SNX6: variants seen among roughly 807,000 people sequenced by gnomAD.
SNX6 encodes the protein sorting nexin 6, also known as sorting nexin-6.
In SNX6, 34 loss-of-function variants were observed where a neutral mutation model predicts 63.0. The observed-to-expected ratio is 0.54, with a 90% confidence interval of 0.41 to 0.72. The LOEUF (loss-of-function observed/expected upper bound fraction) is 0.72, where lower values mean the gene tolerates loss of function less well. Ranked by LOEUF, SNX6 falls within the 30% of genes least tolerant of loss-of-function variation. SNX6 has a pLI of 0.00. For missense variants in SNX6, 398 were observed against 471.4 expected (o/e 0.84, Z 1.44); for synonymous variants, 170 against 164.2 (o/e 1.04, Z -0.27).
At chr14:34,602,705 G>A (rs986261791) in intron 6 of SNX6, among the ~76,000 whole-genome samples, 7 of 151,980 alleles carry the variant, frequency 4.6e-5, no homozygotes, top group Non-Finnish European at 4.4e-5. Context: ...GGCCGGGCAC[G>A]GTGGCTTATG....
chr14:34,571,096 A>G (rs1881431935), intron 11 of SNX6, among the ~76,000 whole-genome samples: 1 of 151,978 alleles, frequency 6.6e-6, no homozygotes, highest in Non-Finnish European at 1.5e-5. Context: ...AGACAATGGA[A>G]TATTATTCAG....
At chr14:34,617,359 G>A (rs751095252) in intron 2 of SNX6, among the ~76,000 whole-genome samples, 1 of 152,100 alleles carries the variant, frequency 6.6e-6, no homozygotes, top group Non-Finnish European at 1.5e-5. Flanking sequence ...TTAGTAAAAG[G>A]CTGGGCACAG....
intron 5 of SNX6, 137 bp from the exon 6 acceptor site, chr14:34,603,608 A>G: frequency 2.9e-6 from 2 of 684,182 alleles, no homozygotes; most frequent in South Asian, 3.9e-5. Flanking sequence ...CATGTAAACA[A>G]GGTTTTTAGT....
chr14:34,620,656 T>C (rs910462801), intron 2 of SNX6, among the ~76,000 whole-genome samples: 2 of 151,722 alleles, frequency 1.3e-5, no homozygotes, highest in African/African-American at 2.4e-5. Flanking sequence ...AAACTGGACA[T>C]GGGGCCGGGC....
Position 34,605,596 on chromosome 14 carries a change from G to T in SNX6, c.392C>A (p.Ala131Asp). ...ACAAAAAAATAAAAAAATCACTTACGCTTCCAGTTCCTGTTTCATCTTTGT... is the reference window on the plus strand; with the variant it reads ...ACAAAAAAATAAAAAAATCACTTACTCTTCCAGTTCCTGTTTCATCTTTGT... ...EFTKMKQELE[A>D]EYLAIFKKTV... The change falls in exon 5 of 14, where the codon GCT (alanine) becomes GAT (aspartate). Residue 131 changes from alanine (A) to aspartate (D), a missense_variant and splice_region_variant. Physicochemically the swap from Ala to Asp is moderately radical, Grantham distance 126. Transcript: ENST00000362031. The T allele has an allele frequency of 1.3e-6, 2 of 1,558,338 alleles. No individual in the cohort carries two copies. The highest frequency in any genetic ancestry group is 4.3e-5 in the Admixed American group (2 of 46,800).
chr14:34,573,270 A>G (rs115164258), intron 11 of SNX6, among the ~76,000 whole-genome samples: 3,693 of 152,206 alleles, frequency 0.024, 163 homozygotes, highest in African/African-American at 0.085. Context: ...AAGTCACAGT[A>G]CCCAGCCAAA....
chr14:34,615,474 G>A lies in SNX6; in HGVS notation c.55-5732C>T, dbSNP rs79090741. 1.6e-3 allele frequency among the ~76,000 whole-genome samples: 237 copies of A among 152,210 alleles called. 1 individual carries two copies. The highest frequency in any genetic ancestry group is 5.0e-3 in the East Asian group (26 of 5,188). On this transcript the variant is annotated intron_variant, in intron 2 of 13. Transcript: ENST00000362031. ...TGGGCTTAAGTGATTCTCCCACCTC[G>A]GCCTCCCAAAGTGCTGGGATTATAG...
intron 9 of SNX6, among the ~76,000 whole-genome samples, chr14:34,582,017 C>T (rs374556466): frequency 5.3e-5 from 8 of 151,768 alleles, no homozygotes; most frequent in South Asian, 4.2e-4. Flanking sequence ...TTAGTAGAGT[C>T]GGGGTTTTAC....
intron 8 of SNX6, among the ~76,000 whole-genome samples, chr14:34,590,550 T>A (rs1882351944): frequency 6.6e-6 from 1 of 151,932 alleles, no homozygotes; most frequent in African/African-American, 2.4e-5. Flanking sequence ...CTGACCTACT[T>A]GAATAAAGTT....
intron 2 of SNX6, among the ~76,000 whole-genome samples, chr14:34,616,414 G>C (rs1883421323): frequency 6.6e-6 from 1 of 152,094 alleles, no homozygotes; most frequent in Non-Finnish European, 1.5e-5. Flanking sequence ...CTGCTACCCA[G>C]GTTGGAATGC....
intron 2 of SNX6, among the ~76,000 whole-genome samples, chr14:34,615,760 G>C (rs973397065): frequency 6.6e-6 from 1 of 151,904 alleles, no homozygotes; most frequent in African/African-American, 2.4e-5. Context: ...GATTACAGGC[G>C]TGAGCCTGTA....
intron 2 of SNX6, among the ~76,000 whole-genome samples, chr14:34,611,029 A>C (rs574376484): frequency 6.6e-6 from 1 of 152,114 alleles, no homozygotes; most frequent in South Asian, 2.1e-4. Flanking sequence ...TTTTTGAGAC[A>C]GGGTCTCAAA....
chr14:34,598,274 T>C (rs7158783), intron 6 of SNX6, among the ~76,000 whole-genome samples: 126,390 of 152,196 alleles, frequency 0.83, 52,941 homozygotes, highest in Non-Finnish European at 0.88. Flanking sequence ...AAGGAGCAAT[T>C]CATCTAATTC....
intron 8 of SNX6, 65 bp downstream of exon 8, chr14:34,592,979 AC>A: frequency 8.6e-7 from 1 of 1,165,568 alleles, no homozygotes; most frequent in Non-Finnish European, 1.2e-6. Flanking sequence ...ACTTTTTCAA[AC>A]TATAATATGA....
At chr14:34,578,914 G>A (rs1410322895) in intron 10 of SNX6, among the ~76,000 whole-genome samples, 2 of 103,152 alleles carry the variant, frequency 1.9e-5, no homozygotes, top group African/African-American at 6.8e-5. Context: ...ACTCCAGCCT[G>A]GCGACAGAGC....
intron 2 of SNX6, among the ~76,000 whole-genome samples, chr14:34,628,575 G>GGT (rs1883918014): frequency 6.6e-6 from 1 of 152,078 alleles, no homozygotes; most frequent in African/African-American, 2.4e-5. Context: ...GCTGCAGTGA[G>GGT]CTATAACCAT....
intron 2 of SNX6, among the ~76,000 whole-genome samples, chr14:34,610,681 TAAG>T (rs1359864638): frequency 1.3e-5 from 2 of 152,166 alleles, no homozygotes; most frequent in Non-Finnish European, 2.9e-5. Flanking sequence ...TTCTCATCTA[TAAG>T]AAGACTCTTC....
intron 2 of SNX6, among the ~76,000 whole-genome samples, chr14:34,624,601 T>A (rs575143248): frequency 9.2e-5 from 14 of 151,592 alleles, no homozygotes; most frequent in Admixed American, 4.6e-4. Context: ...ATCAAGACCA[T>A]CCTGGCCAAC....
At chr14:34,577,779 G>A (rs1594703524) in intron 10 of SNX6, among the ~76,000 whole-genome samples, 2 of 152,198 alleles carry the variant, frequency 1.3e-5, no homozygotes, top group South Asian at 2.1e-4. Flanking sequence ...ATGACATTAA[G>A]GGAGAATCAT....
Sources: gnomAD v4.1 joint callset for allele counts (sites outside exome capture counted in the v4.1 genomes callset) on GRCh38, gnomAD v4.1.1 for gene constraint, MANE v1.5 for transcripts, NCBI Gene and HGNC (gene_info 2026-07-23, HGNC 2026-07-21) for gene names.